The following OCA2 variants were observed in gnomAD, a reference collection of about 807,000 sequenced individuals.
The protein encoded by OCA2 is P protein.
A neutral mutation model predicts 100.2 loss-of-function variants in OCA2; 77 were observed. The observed-to-expected ratio is 0.77, with a 90% CI of 0.64 to 0.93. The LOEUF (loss-of-function observed/expected upper bound fraction) is 0.93. OCA2 is among the 40% of genes least tolerant of loss of function. The pLI is 0.00. For missense variants in OCA2, 1,062 were observed against 1,089.1 expected (o/e 0.98, Z 0.35); for synonymous variants, 432 against 439.2 (o/e 0.98, Z 0.21).
intron 18 of OCA2, 48 bp from the exon 19 acceptor site, chr15:27,926,302 A>G: frequency 6.2e-7 from 1 of 1,606,146 alleles, no homozygotes; most frequent in South Asian, 1.1e-5. Flanking sequence ...CTGTTAACAC[A>G]CCGATTCATT....
At chr15:27,773,743 A>C (rs527344769) in intron 23 of OCA2, among the ~76,000 whole-genome samples, 1 of 152,350 alleles carries the variant, frequency 6.6e-6, no homozygotes, top group East Asian at 1.9e-4. Context: ...TTTAGTAGAC[A>C]TGTGAAACTT....
At chr15:27,907,175 A>C (rs2038209383) in intron 19 of OCA2, among the ~76,000 whole-genome samples, 1 of 152,244 alleles carries the variant, frequency 6.6e-6, no homozygotes, top group Admixed American at 6.5e-5. Context: ...AAGTAGAAAT[A>C]TTTTGAAATA....
At chr15:28,009,684 T>TCACACACACACACA (rs747425942) in intron 9 of OCA2, among the ~76,000 whole-genome samples, 2 of 138,008 alleles carry the variant, frequency 1.4e-5, no homozygotes, top group African/African-American at 2.7e-5. Context: ...CGAGATTCTG[T>TCACACACACACACA]CACACACACA....
At chr15:27,728,894 C>T in the OCA2 span, among the ~76,000 whole-genome samples, 1 of 152,140 alleles carries the variant, frequency 6.6e-6, no homozygotes, top group African/African-American at 2.4e-5. Flanking sequence ...ATTTTAGTGT[C>T]GTTTACAACC....
At chr15:28,056,321 G>A (rs2043694711) in intron 2 of OCA2, among the ~76,000 whole-genome samples, 1 of 152,164 alleles carries the variant, frequency 6.6e-6, no homozygotes, top group South Asian at 2.1e-4. Context: ...CTTGAGCACT[G>A]GCATTCATGA....
intron 16 of OCA2, among the ~76,000 whole-genome samples, 194 bp from the exon 17 acceptor site, chr15:27,955,409 A>T (rs1001829577): frequency 1.1e-4 from 16 of 152,098 alleles, no homozygotes; most frequent in Non-Finnish European, 2.4e-4. Context: ...TTTCCCAAAA[A>T]AATACATATA....
At chr15:27,991,998 GTTGTT>G (rs1457608289) in intron 9 of OCA2, among the ~76,000 whole-genome samples, 1 of 152,122 alleles carries the variant, frequency 6.6e-6, no homozygotes, top group Non-Finnish European at 1.5e-5. Context: ...CTTTTTAAGA[GTTGTT>G]TTGTTTGTTT....
intron 14 of OCA2, among the ~76,000 whole-genome samples, chr15:27,983,041 G>C (rs1035578107): frequency 2.0e-5 from 3 of 152,152 alleles, no homozygotes; most frequent in African/African-American, 4.8e-5. Context: ...TTTAATGTAG[G>C]TTGGAAGAAA....
intron 23 of OCA2, among the ~76,000 whole-genome samples, chr15:27,822,555 G>T (rs1187168825): frequency 6.6e-6 from 1 of 152,144 alleles, no homozygotes; most frequent in African/African-American, 2.4e-5. Context: ...ACCAATGTTT[G>T]CTTCTTTTCA....
chr15:27,742,055 G>C, the OCA2 span, among the ~76,000 whole-genome samples: 1 of 152,196 alleles, frequency 6.6e-6, no homozygotes, highest in African/African-American at 2.4e-5. Flanking sequence ...CATTGCAGAC[G>C]TATCTGAACT....
At chr15:27,950,425 T>C (rs944080357) in intron 18 of OCA2, 2 of 410,458 alleles carry the variant, frequency 4.9e-6, no homozygotes, top group African/African-American at 4.1e-5. Context: ...AATTTCTAGA[T>C]GTAATCCACC....
At chr15:27,894,547 G>A (rs980672733) in intron 19 of OCA2, among the ~76,000 whole-genome samples, 4 of 152,134 alleles carry the variant, frequency 2.6e-5, no homozygotes, top group Admixed American at 1.3e-4. Flanking sequence ...TGACCTTTTC[G>A]AAGGAAAGAA....
At chr15:27,904,142 T>G (rs1385032563) in intron 19 of OCA2, among the ~76,000 whole-genome samples, 2 of 152,162 alleles carry the variant, frequency 1.3e-5, no homozygotes, top group East Asian at 3.9e-4. Flanking sequence ...TGAACCTTTG[T>G]GGAGATACCG....
At chr15:27,740,377 C>T in the OCA2 span, among the ~76,000 whole-genome samples, 2 of 152,070 alleles carry the variant, frequency 1.3e-5, no homozygotes, top group African/African-American at 4.8e-5. Context: ...CCAATTCAGA[C>T]ACAACCCGGG....
intron 21 of OCA2, among the ~76,000 whole-genome samples, chr15:27,859,369 G>C (rs915085602): frequency 1.3e-5 from 2 of 151,964 alleles, no homozygotes; most frequent in African/African-American, 4.8e-5. Context: ...AAATAAAAAG[G>C]ATTATAAAAG....
intron 9 of OCA2, 123 bp downstream of exon 9, chr15:28,014,653 A>G (rs1327712141): frequency 3.8e-6 from 4 of 1,059,990 alleles, no homozygotes; most frequent in Admixed American, 4.0e-5. Context: ...AATCTTTAGG[A>G]ATGATGACAC....
chr15:27,786,486 T>C (rs1406525592), intron 23 of OCA2, among the ~76,000 whole-genome samples: 1 of 152,220 alleles, frequency 6.6e-6, no homozygotes, highest in African/African-American at 2.4e-5. Flanking sequence ...TTGTTTGCAG[T>C]GTACATGTCT....
At chr15:27,953,298 T>C (rs1047531892) in intron 17 of OCA2, among the ~76,000 whole-genome samples, 6 of 152,176 alleles carry the variant, frequency 3.9e-5, no homozygotes, top group African/African-American at 1.4e-4. Context: ...AGGCCCTCTG[T>C]GTCACAACAG....
At chr15:28,067,749 G>C (rs1005580629) in intron 2 of OCA2, among the ~76,000 whole-genome samples, 8 of 152,136 alleles carry the variant, frequency 5.3e-5, no homozygotes, top group African/African-American at 1.9e-4. Flanking sequence ...CTTGCTTTAT[G>C]ACTGAGAATG....
Sources: gnomAD v4.1 joint callset for allele counts (sites outside exome capture counted in the v4.1 genomes callset) on GRCh38, gnomAD v4.1.1 for gene constraint, MANE v1.5 for transcripts, NCBI Gene and HGNC (gene_info 2026-07-23, HGNC 2026-07-21) for gene names.